The following SLC24A3 variants were observed in gnomAD, a reference collection of about 807,000 sequenced individuals.
SLC24A3 encodes the protein sodium/potassium/calcium exchanger 3.
A neutral mutation model predicts 75.8 loss-of-function variants in SLC24A3; 28 were observed. The ratio of observed to expected loss-of-function variants is 0.37; its 90% CI spans 0.27 to 0.51. The LOEUF is 0.51. Among genes scored for constraint, SLC24A3 ranks in the 20% least tolerant of loss-of-function variants. The pLI, the probability that SLC24A3 is intolerant of heterozygous loss-of-function variation, is 0.94. For synonymous variants in SLC24A3, 372 were observed against 334.1 expected, an observed-to-expected ratio of 1.11 and a Z score of -1.24; for missense variants, 663 against 847.8, an observed-to-expected ratio of 0.78 and a Z score of 2.71.
rs755694764 is a variant in SLC24A3 at position 19,665,939 on chromosome 20, C to T, written c.713+50C>T. The T allele has an allele frequency of 9.5e-6, 15 of 1,583,128 alleles. 2 individuals are homozygous for T. The South Asian group carries it at 1.7e-4, about 18-fold the overall frequency. On this transcript the variant is annotated intron_variant, in intron 8 of 16. Transcript: ENST00000328041. ...CATTTCTGAATGTTATGTTGCAGAGCCAAATATATTGAAGACCAGTGTTGG... is the reference window on the plus strand; with the variant it reads ...CATTTCTGAATGTTATGTTGCAGAGTCAAATATATTGAAGACCAGTGTTGG...
At chr20:19,476,023 GTGGGAAAATAGGCAAATGACT>G (rs1220172131) in intron 2 of SLC24A3, among the ~76,000 whole-genome samples, 1 of 152,220 alleles carries the variant, frequency 6.6e-6, no homozygotes, top group Non-Finnish European at 1.5e-5. Context: ...AGCAAAGCAT[GTGGGAAAATAGGCAAATGACT>G]TGGGAAAACT....
chr20:19,478,389 C>T (rs192769773), intron 2 of SLC24A3, among the ~76,000 whole-genome samples: 4 of 152,236 alleles, frequency 2.6e-5, no homozygotes, highest in East Asian at 1.9e-4. Flanking sequence ...CATGATCTTT[C>T]GTGCTATGGT....
At chr20:19,439,350 G>T (rs1304714104) in intron 2 of SLC24A3, among the ~76,000 whole-genome samples, 3 of 152,064 alleles carry the variant, frequency 2.0e-5, no homozygotes, top group African/African-American at 7.2e-5. Context: ...TTTTTGCTTG[G>T]TTTAAAAAAT....
intron 3 of SLC24A3, among the ~76,000 whole-genome samples, chr20:19,535,622 G>A (rs1410627261): frequency 6.6e-6 from 1 of 152,180 alleles, no homozygotes; most frequent in East Asian, 1.9e-4. Context: ...TTGAGAAATA[G>A]GGGCTTCCAC....
intron 3 of SLC24A3, among the ~76,000 whole-genome samples, chr20:19,545,661 C>G (rs895236402): frequency 6.6e-6 from 1 of 152,162 alleles, no homozygotes; most frequent in Non-Finnish European, 1.5e-5. Flanking sequence ...ACCTGCCCCC[C>G]ACTGGAGCAT....
At chr20:19,424,969 T>A (rs1252675117) in intron 2 of SLC24A3, among the ~76,000 whole-genome samples, 2 of 152,048 alleles carry the variant, frequency 1.3e-5, no homozygotes, top group Non-Finnish European at 2.9e-5. Context: ...AAGGAAGACA[T>A]AAGAACACTA....
At chr20:19,674,419 G>A (rs948074816) in intron 9 of SLC24A3, among the ~76,000 whole-genome samples, 12 of 152,192 alleles carry the variant, frequency 7.9e-5, no homozygotes, top group Non-Finnish European at 1.6e-4. Flanking sequence ...GACTGGTGTG[G>A]GAGAACCTGC....
intron 2 of SLC24A3, among the ~76,000 whole-genome samples, chr20:19,350,037 C>T (rs1301223966): frequency 1.3e-5 from 2 of 152,176 alleles, no homozygotes; most frequent in African/African-American, 4.8e-5. Flanking sequence ...GCACGGGCAC[C>T]GTTGGAGGCC....
At chr20:19,336,175 C>G (rs538594601) in intron 2 of SLC24A3, among the ~76,000 whole-genome samples, 1 of 152,318 alleles carries the variant, frequency 6.6e-6, no homozygotes, top group South Asian at 2.1e-4. Context: ...CCTCTTCTCT[C>G]TCTGTCCTTT....
chr20:19,659,965 CCCTTTCTGT>C (rs1241674999), intron 7 of SLC24A3, among the ~76,000 whole-genome samples: 1 of 152,134 alleles, frequency 6.6e-6, no homozygotes, highest in Non-Finnish European at 1.5e-5. Flanking sequence ...TTGTATCTTG[CCCTTTCTGT>C]GATAGAGAAG....
chr20:19,603,571 G>A (rs1413239027), intron 6 of SLC24A3, among the ~76,000 whole-genome samples: 2 of 152,194 alleles, frequency 1.3e-5, no homozygotes, highest in Non-Finnish European at 1.5e-5. Context: ...CCAGCAGGCT[G>A]GCTGTTGTCA....
At chr20:19,617,192 C>A (rs192887301) in intron 6 of SLC24A3, among the ~76,000 whole-genome samples, 8 of 152,360 alleles carry the variant, frequency 5.3e-5, no homozygotes, top group Non-Finnish European at 1.0e-4. Context: ...CCTTTCAATT[C>A]ATTTTCCCTG....
At chr20:19,571,259 G>A (rs985044114) in intron 3 of SLC24A3, among the ~76,000 whole-genome samples, 1 of 152,176 alleles carries the variant, frequency 6.6e-6, no homozygotes, top group African/African-American at 2.4e-5. Context: ...GTATAGCCCT[G>A]TAGGGAGCAC....
Position 19,685,302 on chromosome 20 carries a change from A to T in SLC24A3, c.1265A>T (p.Glu422Val). ...GAAAATGAGGACAATGAGAATGATG[A>T]GGAGGAAGAGGAGGACGAGGATGAT... is the stretch of plus-strand genomic sequence containing the variant. ...ENENEDNEND[E>V]EEEEDEDDDE... The change falls in exon 12 of 17, where the codon GAG becomes GTG. Residue 422 changes from glutamate (E) to valine (V), a missense_variant. Physicochemically the swap from Glu to Val is moderately radical, Grantham distance 121. Coordinates refer to ENST00000328041, the MANE Select transcript of SLC24A3 (RefSeq NM_020689.4). 2.5e-6 allele frequency: 4 copies of T among 1,613,972 alleles called. No homozygotes were observed. Among genetic ancestry groups the T allele is most frequent in the Non-Finnish European group, 2.5e-6 (3 of 1,179,972 alleles).
At chr20:19,390,219 A>G (rs1693613173) in intron 2 of SLC24A3, among the ~76,000 whole-genome samples, 1 of 152,066 alleles carries the variant, frequency 6.6e-6, no homozygotes, top group Non-Finnish European at 1.5e-5. Context: ...AAATTTCTAT[A>G]TTTTGAGGTC....
intron 1 of SLC24A3, among the ~76,000 whole-genome samples, chr20:19,248,081 A>C (rs1345540865): frequency 6.6e-6 from 1 of 152,198 alleles, no homozygotes; most frequent in Non-Finnish European, 1.5e-5. Context: ...CTTATTTTTC[A>C]GTCCATTTTT....
chr20:19,333,074 G>A (rs1009689153), intron 2 of SLC24A3, among the ~76,000 whole-genome samples: 3 of 152,158 alleles, frequency 2.0e-5, no homozygotes, highest in Non-Finnish European at 4.4e-5. Context: ...GGAGGGCCAG[G>A]GAAGTGTCCT....
At chr20:19,313,809 C>G (rs1984516993) in intron 2 of SLC24A3, among the ~76,000 whole-genome samples, 1 of 152,146 alleles carries the variant, frequency 6.6e-6, no homozygotes, top group South Asian at 2.1e-4. Flanking sequence ...TTTTCTTCTG[C>G]CCTTTTCAAA....
At chr20:19,516,522 A>T (rs189461087) in intron 3 of SLC24A3, among the ~76,000 whole-genome samples, 1 of 152,342 alleles carries the variant, frequency 6.6e-6, no homozygotes, top group East Asian at 1.9e-4. Flanking sequence ...GCTCCACGGA[A>T]TCCAGGGCCT....
Sources: gnomAD v4.1 joint callset for allele counts (sites outside exome capture counted in the v4.1 genomes callset) on GRCh38, gnomAD v4.1.1 for gene constraint, MANE v1.5 for transcripts, NCBI Gene and HGNC (gene_info 2026-07-23, HGNC 2026-07-21) for gene names.